Variants in PCSK4 observed in about 807,000 individuals in gnomAD.
PCSK4 encodes the protein testicular tissue protein Li 135.
In PCSK4, 64 loss-of-function variants were observed where a neutral mutation model predicts 80.3. The observed-to-expected ratio is 0.80, with a 90% CI of 0.65 to 0.98. The LOEUF (loss-of-function observed/expected upper bound fraction) is 0.98, where lower values mean the gene tolerates loss of function less well. PCSK4 is among the 50% of genes least tolerant of loss of function. The probability of loss-of-function intolerance (pLI) is 0.00; values close to 1 mark genes in which losing one functional copy is unlikely to be tolerated. For missense variants in PCSK4, 1,213 were observed against 1,093.6 expected (o/e 1.11, Z -1.54); for synonymous variants, 561 against 487.6 (o/e 1.15, Z -1.98).
At chr19:1,486,702 G>C in intron 8 of PCSK4, 151 bp downstream of exon 8, 1 of 671,166 alleles carries the variant, frequency 1.5e-6, no homozygotes, top group East Asian at 2.7e-5. Context: ...AAAGTGCTGG[G>C]ATTACAGGTG....
At position 1,487,835 on chromosome 19, in the gene PCSK4, AT is replaced by A. The variant is rs1268525708; in HGVS notation, c.542del (p.Asn181MetfsTer65). On this transcript the variant is annotated frameshift_variant, in exon 5 of 15. Coordinates refer to ENST00000300954, the Ensembl canonical transcript of PCSK4. LOFTEE classifies it high-confidence loss of function. ...GGGGCTGGGGGTCCGGGTCGTAGTC[AT>A]TGAAGTCATAGCTGGCCAGGGGGTC... 6.4e-7 allele frequency: 1 copy of A among 1,562,188 alleles called. No homozygotes were observed. Among genetic ancestry groups the A allele is most frequent in the Non-Finnish European group, 8.7e-7 (1 of 1,152,714 alleles).
chr19:1,483,474 C>T lies in PCSK4; in HGVS notation c.1392-11G>A. ...AGCGGCAGGATGGGGCTGAGGGGGT[C>T]GAGGGGTGAGGACCCTCCTGCGGCC... On this transcript the variant is annotated splice_polypyrimidine_tract_variant and intron_variant, in intron 11 of 14. Transcript: ENST00000300954. 2.1e-6 allele frequency: 3 copies of T among 1,413,642 alleles called. No individual in the cohort carries two copies. The highest frequency in any genetic ancestry group is 2.8e-6 in the Non-Finnish European group (3 of 1,064,868). 87.6% of individuals were successfully genotyped at this position (1,413,642 alleles called of 1,614,324 possible).
intron 2 of PCSK4, 144 bp from the exon 3 acceptor site, chr19:1,488,424 C>T (rs1441189140): frequency 1.6e-6 from 1 of 642,458 alleles, no homozygotes; most frequent in East Asian, 2.7e-5. Context: ...GGGGCTCTGT[C>T]TGCAGTCGGA....
At position 1,483,844 on chromosome 19, in the gene PCSK4, G is replaced by A. The variant is rs1470123959; in HGVS notation, c.1267C>T (p.Arg423Cys). ...CCGCCCGGCCCCGCCGCACCTTGGC[G>A]CCCCACGCCGTTGGTCCTCCAGTCC... is the stretch of plus-strand genomic sequence containing the variant. The change falls in exon 10 of 15, where the codon CGC (arginine) becomes TGC (cysteine). Residue 423 changes from arginine (R) to cysteine (C), a missense_variant. Coordinates refer to ENST00000300954, the Ensembl canonical transcript of PCSK4. 4.0e-6 allele frequency: 6 copies of A among 1,491,686 alleles called. No individual in the cohort carries two copies. The Admixed American group carries it at 6.9e-5, about 17-fold the overall frequency. 92.4% of individuals were successfully genotyped at this position (1,491,686 alleles called of 1,614,324 possible). A position where few individuals can be genotyped will look rare whatever the true frequency, so the allele number is the denominator to read the frequency against.
exon 8 of PCSK4, chr19:1,486,853 G>A (rs772084886): frequency 7.5e-6 from 12 of 1,595,106 alleles, no homozygotes; most frequent in African/African-American, 1.3e-5. Flanking sequence ...CTGCACTCAC[G>A]ATCTGGGGGT....
chr19:1,482,416 G>A, exon 14 of PCSK4: 2 of 1,607,056 alleles, frequency 1.2e-6, no homozygotes, highest in Non-Finnish European at 8.5e-7. Context: ...GGGCCTGTAG[G>A]CCGCGCTGTC....
exon 9 of PCSK4, chr19:1,484,103 A>C: frequency 6.4e-7 from 1 of 1,565,160 alleles, no homozygotes; most frequent in Non-Finnish European, 8.6e-7. Flanking sequence ...TGGTCTGTGC[A>C]CCCGTGATGC....
rs767601485 is a variant in PCSK4, at chr19:1,487,060, G to A, written c.861C>T (p.Arg287=). Reference sequence around the variant, plus strand: ...AGATGAAGAGCGTGCCCAGCCCGCCGCGGCCCTGGGAAACCAGGAGGGGCG... The same window carrying A: ...AGATGAAGAGCGTGCCCAGCCCGCCACGGCCCTGGGAAACCAGGAGGGGCG... The change falls in exon 8 of 15, where the codon CGC becomes CGT. Residue 287 remains arginine (R), a synonymous_variant. Transcript: ENST00000300954. 25 of 1,604,886 alleles carry A rather than the reference G, an allele frequency of 1.6e-5. No homozygotes were observed. The Admixed American group carries it at 2.2e-4, about 14-fold the overall frequency.
chr19:1,484,097 C>A, exon 9 of PCSK4: 1 of 1,566,852 alleles, frequency 6.4e-7, no homozygotes. Context: ...GTGTGCTGGT[C>A]TGTGCACCCG....
chr19:1,485,946 G>A (rs114124858), intron 8 of PCSK4, among the ~76,000 whole-genome samples: 13,640 of 146,220 alleles, frequency 0.093, 2,052 homozygotes, highest in African/African-American at 0.33. Flanking sequence ...GAGCTGTTGC[G>A]CCCGGCTGGA....
At chr19:1,482,326 A>C (rs188779353) in intron 14 of PCSK4, 27 bp downstream of exon 14, 12 of 1,535,780 alleles carry the variant, frequency 7.8e-6, no homozygotes, top group Non-Finnish European at 1.0e-5. Flanking sequence ...GCCTCCCAGC[A>C]GTGGGCCCTG....
intron 2 of PCSK4, among the ~76,000 whole-genome samples, chr19:1,489,399 G>C (rs949124083): frequency 2.0e-5 from 3 of 152,222 alleles, no homozygotes; most frequent in South Asian, 4.1e-4. Context: ...CTCCCAAAGT[G>C]CTGGGATTAC....
At chr19:1,482,475 C>T (rs1356687922) in exon 14 of PCSK4, 2 of 1,601,412 alleles carry the variant, frequency 1.2e-6, no homozygotes, top group Non-Finnish European at 1.7e-6. Context: ...GTACAACGTC[C>T]CTGGACAGGG....
Position 1,482,025 on chromosome 19 carries a change from T to C in PCSK4, c.2002A>G (p.Thr668Ala). The C allele has an allele frequency of 1.9e-6, 3 of 1,573,328 alleles. No individual in the cohort carries two copies. The East Asian group carries it at 7.0e-5, about 37-fold the overall frequency. ...AGCGTGGAGGATGGGGGACAGGAGG[T>C]GCAGTCCCTCGGGGAGCCGCCGCGG... is the stretch of plus-strand genomic sequence containing the variant. Residue 668 changes from threonine to alanine, a missense_variant, in exon 15 of 15, where the codon ACC becomes GCC. Transcript: ENST00000300954.
In PCSK4 at chr19:1,483,632, G is replaced by T; in HGVS notation, c.1391+18C>A. The T allele has an allele frequency of 6.4e-7, 1 of 1,552,744 alleles. No individual in the cohort carries two copies. The highest frequency in any genetic ancestry group is 1.4e-5 in the African/African-American group (1 of 73,862). On this transcript the variant is annotated intron_variant, in intron 11 of 14. Transcript: ENST00000300954. ...ACACCCCCAGCGGGGATAGCGGAGG[G>T]GCGCGCAGGGGTCTCACGTGGGGCG...
exon 1 of PCSK4, chr19:1,490,287 G>A (rs1230312082): frequency 1.5e-5 from 24 of 1,585,260 alleles, no homozygotes; most frequent in Non-Finnish European, 1.9e-5. Flanking sequence ...CAGCCCGGGG[G>A]CGGACAAGGG....
intron 8 of PCSK4, 82 bp downstream of exon 8, chr19:1,486,771 G>C: frequency 2.5e-6 from 3 of 1,205,408 alleles, no homozygotes; most frequent in South Asian, 2.6e-5. Flanking sequence ...AGGGTGCTAA[G>C]TCACAGTGGT....
intron 2 of PCSK4, among the ~76,000 whole-genome samples, chr19:1,488,676 G>A (rs1223965807): frequency 1.3e-5 from 2 of 152,058 alleles, no homozygotes; most frequent in Non-Finnish European, 2.9e-5. Flanking sequence ...TGCCTCCTGG[G>A]TTCAAGCGAT....
chr19:1,483,547 G>A (rs1405010466), intron 11 of PCSK4, 84 bp from the exon 12 acceptor site: 18 of 1,412,406 alleles, frequency 1.3e-5, no homozygotes, highest in South Asian at 2.5e-5. Context: ...GGGCTCAGAG[G>A]TCACGGGGTC....
Sources: allele counts gnomAD v4.1 joint callset (sites outside exome capture counted in the v4.1 genomes callset), GRCh38; gene constraint gnomAD v4.1.1; transcripts MANE v1.5; gene names NCBI Gene and HGNC (gene_info 2026-07-23, HGNC 2026-07-21).